Variants in SCEL observed in about 807,000 individuals in gnomAD.
The protein encoded by SCEL is sciellin.
Under a neutral mutation model 117.6 loss-of-function variants are expected in SCEL, and 113 were observed. The ratio of observed to expected loss-of-function variants is 0.96; its 90% CI spans 0.83 to 1.12. SCEL has a LOEUF of 1.12. Among genes scored for constraint, SCEL ranks in the 50% most tolerant of loss-of-function variants. The pLI, the probability that SCEL is intolerant of heterozygous loss-of-function variation, is 0.00. For synonymous variants in SCEL, 270 were observed against 256.2 expected (o/e 1.05, Z -0.51); for missense variants, 785 against 810.8 (o/e 0.97, Z 0.39).
In SCEL at chr13:77,572,142, G is replaced by A. The variant is rs528874271; in HGVS notation, c.498G>A (p.Pro166=). 4.3e-6 allele frequency: 7 copies of A among 1,611,800 alleles called. No homozygotes were observed. The highest frequency in any genetic ancestry group is 1.7e-5 in the Admixed American group (1 of 59,858). ...VKKKRQSWFP[P]PPPGYNASSS... ...TTAACAGGCAGTCCTGGTTTCCACC[G>A]CCCCCTCCAGGTTACAATGCCTCCT... is the stretch of plus-strand genomic sequence containing the variant. The change falls in exon 9 of 33, where the codon CCG becomes CCA. Residue 166 remains proline, a synonymous_variant. Transcript: ENST00000349847.
intron 1 of SCEL, among the ~76,000 whole-genome samples, chr13:77,546,618 T>C (rs972528526): frequency 1.1e-4 from 16 of 151,972 alleles, no homozygotes; most frequent in African/African-American, 3.9e-4. Flanking sequence ...TTTTGGACCT[T>C]CTATTTGCTG....
At chr13:77,554,201 G>A (rs916540976) in intron 1 of SCEL, among the ~76,000 whole-genome samples, 10 of 152,156 alleles carry the variant, frequency 6.6e-5, no homozygotes, top group African/African-American at 2.4e-4. Flanking sequence ...TCTGAAGTGC[G>A]AGTCACTGGA....
chr13:77,617,084 A>G (rs920098392), intron 24 of SCEL, among the ~76,000 whole-genome samples: 1 of 152,180 alleles, frequency 6.6e-6, no homozygotes, highest in African/African-American at 2.4e-5. Context: ...TTTTCAGAGT[A>G]TGTAACTCAT....
At chr13:77,585,682 C>T (rs1430745662) in intron 9 of SCEL, among the ~76,000 whole-genome samples, 4 of 152,026 alleles carry the variant, frequency 2.6e-5, no homozygotes, top group Admixed American at 2.6e-4. Context: ...TCATTGAAAC[C>T]CCAGTCAGGT....
intron 9 of SCEL, among the ~76,000 whole-genome samples, chr13:77,585,495 A>G (rs907340911): frequency 1.3e-5 from 2 of 152,138 alleles, no homozygotes; most frequent in African/African-American, 4.8e-5. Context: ...AGCAAAAGAC[A>G]CTATTTCCTG....
At chr13:77,609,216 C>G (rs2088459497) in intron 21 of SCEL, 99 bp downstream of exon 21, 9 of 1,017,592 alleles carry the variant, frequency 8.8e-6, no homozygotes, top group Non-Finnish European at 1.3e-5. Context: ...ACCCAATGAT[C>G]CTTCAAGAAA....
rs1180347059 is a variant in SCEL, at chr13:77,617,849, A to G, written c.1558A>G (p.Arg520Gly). ...CATCAAAGTAAATCCTGCAGTAATC[A>G]GAAACAATCAGAGGTATATATAGAA... ...NLIKVNPAVI[R>G]NNQSQDLDNL... Residue 520 changes from arginine (R) to glycine (G), a missense_variant, in exon 26 of 33, where the codon AGA becomes GGA. Arg to Gly is a moderately radical substitution (Grantham distance 125). Coordinates refer to ENST00000349847, the MANE Select transcript of SCEL (RefSeq NM_144777.3). 6.2e-7 allele frequency: 1 copy of G among 1,610,352 alleles called. No homozygotes were observed. The highest frequency in any genetic ancestry group is 1.3e-5 in the African/African-American group (1 of 74,852).
chr13:77,562,599 C>T (rs140849673), intron 4 of SCEL, among the ~76,000 whole-genome samples: 121 of 152,318 alleles, frequency 7.9e-4, no homozygotes, highest in African/African-American at 2.8e-3. Context: ...TTACCCAAAC[C>T]TCTTTTATGG....
At chr13:77,570,518 T>C (rs1027660181) in intron 8 of SCEL, among the ~76,000 whole-genome samples, 1 of 152,250 alleles carries the variant, frequency 6.6e-6, no homozygotes, top group African/African-American at 2.4e-5. Flanking sequence ...TAGCATCTAT[T>C]CCTTACATTG....
intron 1 of SCEL, among the ~76,000 whole-genome samples, chr13:77,550,822 C>G (rs1221115511): frequency 6.6e-6 from 1 of 152,128 alleles, no homozygotes; most frequent in Admixed American, 6.5e-5. Flanking sequence ...CATGACCATT[C>G]ATGTATAAGT....
intron 1 of SCEL, among the ~76,000 whole-genome samples, chr13:77,536,749 T>C (rs2083438356): frequency 6.6e-6 from 1 of 152,230 alleles, no homozygotes; most frequent in Non-Finnish European, 1.5e-5. Context: ...CTCTGTGTCC[T>C]CCAGAGAGGT....
chr13:77,549,587 T>C (rs550445210), intron 1 of SCEL, among the ~76,000 whole-genome samples: 68 of 152,326 alleles, frequency 4.5e-4, no homozygotes, highest in African/African-American at 1.6e-3. Context: ...AAACCACAAA[T>C]GGGAACTAGG....
At chr13:77,538,495 T>C (rs2083531418) in intron 1 of SCEL, among the ~76,000 whole-genome samples, 1 of 152,182 alleles carries the variant, frequency 6.6e-6, no homozygotes. Flanking sequence ...GTGATTTTTT[T>C]CCATGAACTT....
At chr13:77,576,616 A>C (rs73227363) in intron 9 of SCEL, among the ~76,000 whole-genome samples, 1,722 of 152,310 alleles carry the variant, frequency 0.011, 20 homozygotes, top group Non-Finnish European at 0.018. Context: ...CCAGAAACTC[A>C]ATGTGTTCAA....
chr13:77,543,228 C>T (rs2083813233), intron 1 of SCEL, among the ~76,000 whole-genome samples: 2 of 151,462 alleles, frequency 1.3e-5, no homozygotes, highest in Admixed American at 6.6e-5. Flanking sequence ...GGACTACAGG[C>T]GCCCACCACC....
chr13:77,566,535 A>C (rs1389037108), intron 5 of SCEL, among the ~76,000 whole-genome samples: 1 of 151,302 alleles, frequency 6.6e-6, no homozygotes, highest in Non-Finnish European at 1.5e-5. Context: ...ATGAGATTAG[A>C]ATGATTAAAA....
intron 1 of SCEL, among the ~76,000 whole-genome samples, chr13:77,547,391 A>G (rs74348597): frequency 0.025 from 3,825 of 152,322 alleles, 163 homozygotes; most frequent in African/African-American, 0.085. Flanking sequence ...TGTTTCACAT[A>G]TGAGACTAAT....
intron 4 of SCEL, among the ~76,000 whole-genome samples, chr13:77,561,105 G>A (rs547748074): frequency 6.6e-6 from 1 of 152,252 alleles, no homozygotes; most frequent in South Asian, 2.1e-4. Flanking sequence ...AGTCTTTATG[G>A]TTTTGAAGAT....
intron 5 of SCEL, among the ~76,000 whole-genome samples, chr13:77,566,034 A>G (rs1358489013): frequency 3.9e-5 from 6 of 152,240 alleles, no homozygotes; most frequent in African/African-American, 1.2e-4. Flanking sequence ...AATCTCCCAC[A>G]GCAATAAGAA....
Sources: allele counts gnomAD v4.1 joint callset (sites outside exome capture counted in the v4.1 genomes callset), GRCh38; gene constraint gnomAD v4.1.1; transcripts MANE v1.5; gene names NCBI Gene and HGNC (gene_info 2026-07-23, HGNC 2026-07-21).